ST6GALNAC3: variants seen among roughly 807,000 people sequenced by gnomAD.
The protein encoded by ST6GALNAC3 is ST6 N-acetylgalactosaminide alpha-2,6-sialyltransferase 3, also known as alpha-N-acetylgalactosaminide alpha-2,6-sialyltransferase 3.
A neutral mutation model predicts 32.7 loss-of-function variants in ST6GALNAC3; 25 were observed. That is an observed-to-expected ratio of 0.76 (90% CI 0.56 to 1.07). ST6GALNAC3 has a LOEUF of 1.07. Ranked by LOEUF, ST6GALNAC3 falls within the 50% of genes least tolerant of loss-of-function variation. The pLI is 0.00. For missense variants in ST6GALNAC3, 355 were observed against 382.4 expected, an observed-to-expected ratio of 0.93 and a Z score of 0.60; for synonymous variants, 129 against 133.1, an observed-to-expected ratio of 0.97 and a Z score of 0.21.
intron 1 of ST6GALNAC3, among the ~76,000 whole-genome samples, chr1:76,128,896 A>T (rs1202103828): frequency 1.3e-5 from 2 of 152,186 alleles, no homozygotes; most frequent in East Asian, 3.9e-4. Flanking sequence ...TTGAAGGTAG[A>T]TTGCTTTTCC....
At chr1:76,241,645 G>A (rs1477943309) in intron 1 of ST6GALNAC3, among the ~76,000 whole-genome samples, 1 of 152,062 alleles carries the variant, frequency 6.6e-6, no homozygotes, top group Non-Finnish European at 1.5e-5. Flanking sequence ...CCTGAAATGT[G>A]GATAGTCTGA....
chr1:76,628,579 A>T (rs1216452353), intron 4 of ST6GALNAC3, 41 bp from the exon 5 acceptor site: 1 of 1,525,768 alleles, frequency 6.6e-7, no homozygotes, highest in Non-Finnish European at 8.7e-7. Context: ...TTCATTCTTC[A>T]TCTCAATCTT....
intron 3 of ST6GALNAC3, among the ~76,000 whole-genome samples, chr1:76,482,388 T>C (rs898303655): frequency 2.0e-5 from 3 of 152,128 alleles, no homozygotes; most frequent in Admixed American, 6.6e-5. Flanking sequence ...ACTAGGAGTA[T>C]TTTTAACACC....
At chr1:76,221,983 A>C (rs1368383466) in intron 1 of ST6GALNAC3, among the ~76,000 whole-genome samples, 2 of 152,202 alleles carry the variant, frequency 1.3e-5, no homozygotes, top group African/African-American at 4.8e-5. Flanking sequence ...AATGATGGAC[A>C]GGAGAGTGAT....
intron 3 of ST6GALNAC3, among the ~76,000 whole-genome samples, chr1:76,478,953 C>T (rs4409708): frequency 0.026 from 3,994 of 151,544 alleles, 182 homozygotes; most frequent in African/African-American, 0.09. Context: ...TTAGTAGAGA[C>T]GGGGTTTCAC....
In ST6GALNAC3 at chr1:76,075,502, T is replaced by C. The variant is rs114683909; in HGVS notation, c.18+618T>C. Among the ~76,000 whole-genome samples, 391 of 152,340 alleles carry C rather than the reference T, an allele frequency of 2.6e-3. 1 individual carries two copies. Among genetic ancestry groups the C allele is most frequent in the African/African-American group, 8.0e-3 (333 of 41,582 alleles). Reference sequence around the variant, plus strand: ...TCTCACTCTCTTTATGCTCATAAATTTGAATAGACAAAATGATTTTATGCT... The same window carrying C: ...TCTCACTCTCTTTATGCTCATAAATCTGAATAGACAAAATGATTTTATGCT... On this transcript the variant is annotated intron_variant, in intron 1 of 4. Transcript: ENST00000328299.
intron 1 of ST6GALNAC3, among the ~76,000 whole-genome samples, chr1:76,196,189 T>C (rs955792356): frequency 9.2e-5 from 14 of 152,192 alleles, no homozygotes; most frequent in African/African-American, 3.4e-4. Flanking sequence ...AGTTATATGA[T>C]GAATTGGAGC....
intron 3 of ST6GALNAC3, among the ~76,000 whole-genome samples, chr1:76,598,754 G>A (rs1230923433): frequency 6.6e-6 from 1 of 151,506 alleles, no homozygotes; most frequent in Non-Finnish European, 1.5e-5. Flanking sequence ...AAAAAAAATG[G>A]TAAGCCTCCG....
intron 2 of ST6GALNAC3, among the ~76,000 whole-genome samples, chr1:76,325,110 C>G (rs1647043355): frequency 6.6e-6 from 1 of 152,078 alleles, no homozygotes; most frequent in African/African-American, 2.4e-5. Flanking sequence ...GGTTTTTGAC[C>G]TGTGCATCTG....
At chr1:76,372,364 A>G (rs139001343) in intron 2 of ST6GALNAC3, among the ~76,000 whole-genome samples, 72 of 152,242 alleles carry the variant, frequency 4.7e-4, no homozygotes, top group African/African-American at 1.6e-3. Flanking sequence ...ACAGACATGC[A>G]CACACACGCG....
chr1:76,121,882 C>T (rs1453533067), intron 1 of ST6GALNAC3, among the ~76,000 whole-genome samples: 4 of 152,188 alleles, frequency 2.6e-5, no homozygotes, highest in African/African-American at 9.7e-5. Flanking sequence ...CTCTTCCACT[C>T]TCCGCCTCAC....
chr1:76,572,876 C>T (rs1646732523), intron 3 of ST6GALNAC3, among the ~76,000 whole-genome samples: 1 of 152,044 alleles, frequency 6.6e-6, no homozygotes, highest in Non-Finnish European at 1.5e-5. Context: ...GAAGAAGATA[C>T]CATTTTGAAG....
In ST6GALNAC3 at chr1:76,319,435, T is replaced by G. The variant is rs140541306; in HGVS notation, c.213+5436T>G. On this transcript the variant is annotated intron_variant, in intron 2 of 4. Transcript: ENST00000328299. ...GGCCACACTAGCCTAATTAAAGATGTGCATAACATATTGATGTTGCAATAG... is the reference window on the plus strand; with the variant it reads ...GGCCACACTAGCCTAATTAAAGATGGGCATAACATATTGATGTTGCAATAG... Among the ~76,000 whole-genome samples the G allele has an allele frequency of 6.2e-3, 941 of 152,262 alleles. 6 individuals are homozygous for G. Among genetic ancestry groups the G allele is most frequent in the Non-Finnish European group, 8.3e-3 (562 of 68,014 alleles).
intron 1 of ST6GALNAC3, among the ~76,000 whole-genome samples, chr1:76,137,300 G>A (rs946553385): frequency 1.3e-5 from 2 of 152,230 alleles, no homozygotes; most frequent in African/African-American, 4.8e-5. Context: ...ACCCTCAGCT[G>A]TTAGCCGTGC....
At chr1:76,620,628 A>G (rs1375103848) in intron 3 of ST6GALNAC3, among the ~76,000 whole-genome samples, 1 of 151,954 alleles carries the variant, frequency 6.6e-6, no homozygotes, top group African/African-American at 2.4e-5. Context: ...TTATAAGGAA[A>G]CTAATCTTAT....
chr1:76,105,773 C>T (rs1269646505), intron 1 of ST6GALNAC3, among the ~76,000 whole-genome samples: 4 of 152,140 alleles, frequency 2.6e-5, no homozygotes, highest in African/African-American at 7.2e-5. Flanking sequence ...ATATTAATAG[C>T]CCTATAAAAT....
chr1:76,449,029 G>T (rs913402399), intron 3 of ST6GALNAC3, among the ~76,000 whole-genome samples: 3 of 152,032 alleles, frequency 2.0e-5, no homozygotes, highest in East Asian at 1.9e-4. Context: ...CACTATGTTG[G>T]CCAGGCTGGT....
intron 3 of ST6GALNAC3, among the ~76,000 whole-genome samples, chr1:76,618,255 C>T (rs552724413): frequency 6.6e-6 from 1 of 152,272 alleles, no homozygotes; most frequent in African/African-American, 2.4e-5. Context: ...AATGGAGATC[C>T]TTTGATGGCT....
chr1:76,263,699 C>T (rs1658372106), intron 1 of ST6GALNAC3, among the ~76,000 whole-genome samples: 2 of 152,232 alleles, frequency 1.3e-5, no homozygotes, highest in African/African-American at 4.8e-5. Flanking sequence ...TGGGTAAACA[C>T]ATTTTGCTCC....
Sources: allele counts gnomAD v4.1 joint callset (sites outside exome capture counted in the v4.1 genomes callset), GRCh38; gene constraint gnomAD v4.1.1; transcripts MANE v1.5; gene names NCBI Gene and HGNC (gene_info 2026-07-23, HGNC 2026-07-21).